TERT: variants seen among roughly 807,000 people sequenced by gnomAD.
TERT encodes telomerase catalytic subunit.
TERT carries 42 observed loss-of-function variants against 104.0 expected under a neutral mutation model. The ratio of observed to expected loss-of-function variants is 0.40; its 90% CI spans 0.32 to 0.52. The LOEUF is 0.52. Ranked by LOEUF, TERT falls within the 20% of genes least tolerant of loss-of-function variation. TERT has a pLI of 0.43. For synonymous variants in TERT, 781 were observed against 725.6 expected (o/e 1.08, Z -1.23); for missense variants, 1,101 against 1,610.3 (o/e 0.68, Z 5.41).
At position 1,256,017 on chromosome 5, in the gene TERT, TTTG is replaced by T. The variant is rs758242515; in HGVS notation, c.3033-609_3033-607del. 2.3e-4 allele frequency among the ~76,000 whole-genome samples: 35 copies of T among 152,136 alleles called. No homozygotes were observed. The highest frequency in any genetic ancestry group is 3.8e-4 in the Non-Finnish European group (26 of 67,996). ...CAAGAAACTGCATTTGTCAGTCTTCTTTGTTGTTGTTGAGATGGGCTCTCACTC... is the reference window on the plus strand; with the variant it reads ...CAAGAAACTGCATTTGTCAGTCTTCTTTGTTGTTGAGATGGGCTCTCACTC... On this transcript the variant is annotated intron_variant, in intron 13 of 15. Transcript: ENST00000310581. The surrounding 1 kb of genome is among the most constrained non-coding windows in gnomAD (Gnocchi z 7.0).
chr5:1,278,625 C>T lies in TERT; in HGVS notation c.2286+16G>A. The T allele has an allele frequency of 6.2e-7, 1 of 1,614,118 alleles. No individual in the cohort carries two copies. The highest frequency in any genetic ancestry group is 8.5e-7 in the Non-Finnish European group (1 of 1,180,048). ...AGACACACATCCTGGACACGACTATCACACGTGAACCTTACGTGGCTCTTG... is the reference window on the plus strand; with the variant it reads ...AGACACACATCCTGGACACGACTATTACACGTGAACCTTACGTGGCTCTTG... On this transcript the variant is annotated intron_variant, in intron 6 of 15. Transcript: ENST00000310581.
At chr5:1,291,237 A>G (rs1225305816) in intron 2 of TERT, among the ~76,000 whole-genome samples, 1 of 110,594 alleles carries the variant, frequency 9.0e-6, no homozygotes, top group African/African-American at 3.8e-5. Flanking sequence ...CGCCTCACTC[A>G]CCCTACACCT....
At chr5:1,282,783 G>A (rs1484006089) in intron 2 of TERT, 159 bp from the exon 3 acceptor site, 1 of 741,372 alleles carries the variant, frequency 1.3e-6, no homozygotes, top group South Asian at 1.5e-5. Context: ...GCCCACCAAG[G>A]GCCTGGCGAC....
chr5:1,260,337 T>A (rs1167267909), intron 12 of TERT, 137 bp downstream of exon 12: 1 of 1,381,388 alleles, frequency 7.2e-7, no homozygotes, highest in East Asian at 2.3e-5. Flanking sequence ...TGTGCTCACG[T>A]GTATATGCGT....
Position 1,288,049 on chromosome 5 carries a change from AAC to A in TERT, c.1573+5262_1573+5263del, listed in dbSNP as rs747711520. On this transcript the variant is annotated intron_variant, in intron 2 of 15. Coordinates refer to ENST00000310581, the MANE Select transcript of TERT (RefSeq NM_198253.3). The surrounding 1 kb of genome is among the most constrained non-coding windows in gnomAD (Gnocchi z 5.3). ...TGATACTCTACATATCTTGAACATA[AAC>A]AGTGTTCAAATAACTCACTGCTCAA... Among the ~76,000 whole-genome samples the A allele has an allele frequency of 6.6e-6, 1 of 152,194 alleles. No homozygotes were observed. Among genetic ancestry groups the A allele is most frequent in the African/African-American group, 2.4e-5 (1 of 41,438 alleles).
rs1561191561 is a variant in TERT at position 1,261,541 on chromosome 5, C to T, written c.2844-941G>A. Among the ~76,000 whole-genome samples, 1 of 152,232 alleles carries T rather than the reference C, an allele frequency of 6.6e-6. No homozygotes were observed. The highest frequency in any genetic ancestry group is 1.5e-5 in the Non-Finnish European group (1 of 68,046). On this transcript the variant is annotated intron_variant, in intron 11 of 15. Coordinates refer to ENST00000310581, the MANE Select transcript of TERT (RefSeq NM_198253.3). This position sits in a 1 kb window ranked among gnomAD's most constrained non-coding sequence, Gnocchi z 7.4. ...AAAAGTCTTTCCAGCTTGCCTCAACCTGATGCTGGCTCTTGGCAAGCCCAG... is the reference window on the plus strand; with the variant it reads ...AAAAGTCTTTCCAGCTTGCCTCAACTTGATGCTGGCTCTTGGCAAGCCCAG...
Position 1,271,165 on chromosome 5 carries a change from C to T in TERT, c.2422G>A (p.Val808Ile), listed in dbSNP as rs200119385. The change falls in exon 8 of 16, where the codon GTC becomes ATC. Residue 808 changes from valine to isoleucine, a missense_variant. Val to Ile is a conservative substitution (Grantham distance 29). Transcript: ENST00000310581. ...LNEASSGLFD[V>I]FLRFMCHHAV... is the part of the protein sequence containing the mutation. ...TGGTGGCACATGAAGCGTAGGAAGA[C>T]GTCGAAGAGGCCACTGCTGGCCTCA... 19 of 1,613,060 alleles carry T rather than the reference C, an allele frequency of 1.2e-5. No homozygotes were observed. Among genetic ancestry groups the T allele is most frequent in the Middle Eastern group, 1.6e-4 (1 of 6,084 alleles).
At position 1,257,179 on chromosome 5, in the gene TERT, G is replaced by C. The variant is rs1219717449; in HGVS notation, c.3032+1419C>G. Among the ~76,000 whole-genome samples, 7 of 152,298 alleles carry C rather than the reference G, an allele frequency of 4.6e-5. No individual in the cohort carries two copies. The East Asian group carries it at 1.4e-3, about 29-fold the overall frequency. ...ATGGGTGGGGAAACTCAGCCGCCCT[G>C]CCCTGAGCCCAGGCCCTCTACGGGA... On this transcript the variant is annotated intron_variant, in intron 13 of 15. Coordinates refer to ENST00000310581, the MANE Select transcript of TERT (RefSeq NM_198253.3). This position sits in a 1 kb window ranked among gnomAD's most constrained non-coding sequence, Gnocchi z 5.6.
At position 1,263,233 on chromosome 5, in the gene TERT, C is replaced by T. The variant is rs1208815274; in HGVS notation, c.2843+1171G>A. On this transcript the variant is annotated intron_variant, in intron 11 of 15. Coordinates refer to ENST00000310581, the MANE Select transcript of TERT (RefSeq NM_198253.3). This position sits in a 1 kb window ranked among gnomAD's most constrained non-coding sequence, Gnocchi z 5.3. The stretch of plus-strand genomic sequence containing the variant: ...GACTGTTAACTCAGAACGACAGGAC[C>T]CCAGTTTAAACCTCTGGTTTAACAA... Among the ~76,000 whole-genome samples the T allele has an allele frequency of 1.3e-5, 2 of 152,170 alleles. No homozygotes were observed. The highest frequency in any genetic ancestry group is 4.8e-5 in the African/African-American group (2 of 41,430).
chr5:1,279,204 G>A (rs992816034), intron 5 of TERT, 87 bp downstream of exon 5: 3 of 1,456,280 alleles, frequency 2.1e-6, no homozygotes, highest in Admixed American at 4.2e-5. Context: ...CCACCCAGGA[G>A]TACCTCCTCC....
At position 1,255,912 on chromosome 5, in the gene TERT, C is replaced by T. The variant is rs998356024; in HGVS notation, c.3033-501G>A. ...TGGGTCTGGGGTGATGGTGTGAGGACCCATCATCTCATCTCACTGACACCG... is the reference window on the plus strand; with the variant it reads ...TGGGTCTGGGGTGATGGTGTGAGGATCCATCATCTCATCTCACTGACACCG... On this transcript the variant is annotated intron_variant, in intron 13 of 15. Coordinates refer to ENST00000310581, the MANE Select transcript of TERT (RefSeq NM_198253.3). This position sits in a 1 kb window ranked among gnomAD's most constrained non-coding sequence, Gnocchi z 6.9. Among the ~76,000 whole-genome samples, 2 of 151,990 alleles carry T rather than the reference C, an allele frequency of 1.3e-5. No individual in the cohort carries two copies. The highest frequency in any genetic ancestry group is 4.8e-5 in the African/African-American group (2 of 41,372).
rs764318596 is a variant in TERT, at chr5:1,280,221, C to T, written c.1887G>A (p.Gly629=). Residue 629 remains glycine, a synonymous_variant, in exon 4 of 16, where the codon GGG becomes GGA. Transcript: ENST00000310581. The stretch of plus-strand genomic sequence containing the variant: ...AGTCCATGTTCACAATCGGCCGCAG[C>T]CCGTCAGGCTTGGGGATGAAGCGGA... The part of the protein sequence containing the change: ...SRLRFIPKPD[G]LRPIVNMDYV... The T allele has an allele frequency of 3.7e-6, 6 of 1,613,882 alleles. No homozygotes were observed. The African/African-American group carries it at 6.7e-5, about 18-fold the overall frequency.
chr5:1,273,089 T>A, intron 6 of TERT, among the ~76,000 whole-genome samples: 1 of 91,790 alleles, frequency 1.1e-5, no homozygotes, highest in Non-Finnish European at 2.2e-5. Flanking sequence ...TCACCACACA[T>A]CAGACCCCAC....
In TERT at chr5:1,265,316, G is replaced by A. The variant is rs1038138708; in HGVS notation, c.2655-724C>T. On this transcript the variant is annotated intron_variant, in intron 10 of 15. Coordinates refer to ENST00000310581, the MANE Select transcript of TERT (RefSeq NM_198253.3). This position sits in a 1 kb window ranked among gnomAD's most constrained non-coding sequence, Gnocchi z 6.9. ...TGGCCCTGGGACCTCGGCCAGCTGC[G>A]CAGCTCCCCTGGTGCATTCCCAGCT... 4.6e-5 allele frequency among the ~76,000 whole-genome samples: 7 copies of A among 152,104 alleles called. No individual in the cohort carries two copies. Among genetic ancestry groups the A allele is most frequent in the African/African-American group, 7.2e-5 (3 of 41,422 alleles).
Position 1,265,203 on chromosome 5 carries a change from C to CG in TERT, c.2655-612dup, listed in dbSNP as rs1312336257. 6.6e-6 allele frequency among the ~76,000 whole-genome samples: 1 copy of CG among 152,130 alleles called. No homozygotes were observed. The highest frequency in any genetic ancestry group is 2.4e-5 in the African/African-American group (1 of 41,432). On this transcript the variant is annotated intron_variant, in intron 10 of 15. Coordinates refer to ENST00000310581, the MANE Select transcript of TERT (RefSeq NM_198253.3). This position sits in a 1 kb window ranked among gnomAD's most constrained non-coding sequence, Gnocchi z 6.9. The stretch of plus-strand genomic sequence containing the variant: ...CCAGCTCAGGGAGCCCCCCTGTGCC[C>CG]GGTAGCCTCTGCTCTGGCCTGGGCA...
rs773271758 is a variant in TERT at position 1,260,613 on chromosome 5, G to A, written c.2844-13C>T. 1 of 1,613,476 alleles carries A rather than the reference G, an allele frequency of 6.2e-7. No individual in the cohort carries two copies. The stretch of plus-strand genomic sequence containing the variant: ...GGTCCGGGCATAGCTGAGACACAGG[G>A]GGGAATGTCAGACACAGGTGCCTGC... On this transcript the variant is annotated splice_polypyrimidine_tract_variant and intron_variant, in intron 11 of 15. Coordinates refer to ENST00000310581, the MANE Select transcript of TERT (RefSeq NM_198253.3).
At position 1,255,318 on chromosome 5, in the gene TERT, G is replaced by A. The variant is rs377570406; in HGVS notation, c.3126C>T (p.Leu1042=). ...TCTTGGCTTTCAGGATGGAGTAGCA[G>A]AGGGAGGCCGTGTCAGAGATGACGC... ...FLRVISDTAS[L]CYSILKAKNA... is the part of the protein sequence containing the mutation. Residue 1042 remains leucine, a synonymous_variant, in exon 14 of 16, where the codon CTC becomes CTT. Transcript: ENST00000310581. This position sits in a 1 kb window ranked among gnomAD's most constrained non-coding sequence, Gnocchi z 6.9. The A allele has an allele frequency of 6.3e-5, 102 of 1,614,072 alleles. No homozygotes were observed. The highest frequency in any genetic ancestry group is 8.1e-5 in the Non-Finnish European group (95 of 1,180,016).
intron 12 of TERT, among the ~76,000 whole-genome samples, chr5:1,259,692 C>G (rs532677817): frequency 3.0e-4 from 37 of 124,968 alleles, no homozygotes; most frequent in Non-Finnish European, 4.9e-4. Context: ...TGGACACGGA[C>G]GCCCACAGGA....
At position 1,260,525 on chromosome 5, in the gene TERT, T is replaced by G. The variant is rs1454007851; in HGVS notation, c.2919A>C (p.Lys973Asn). The change falls in exon 12 of 16, where the codon AAA becomes AAC. Residue 973 changes from lysine to asparagine, a missense_variant. Physicochemically the swap from Lys to Asn is moderately conservative, Grantham distance 94 (BLOSUM62 0). Coordinates refer to ENST00000310581, the MANE Select transcript of TERT (RefSeq NM_198253.3). Reference protein sequence around the residue: ...GFKAGRNMRRKLFGVLRLKCH... With the variant: ...GFKAGRNMRRNLFGVLRLKCH... ...ACTTCAGCCGCAAGACCCCAAAGAG[T>G]TTGCGACGCATGTTCCTCCCAGCCT... is the stretch of plus-strand genomic sequence containing the variant. 1 of 1,613,876 alleles carries G rather than the reference T, an allele frequency of 6.2e-7. No individual in the cohort carries two copies. The highest frequency in any genetic ancestry group is 1.7e-5 in the Admixed American group (1 of 60,024).
Sources: allele counts gnomAD v4.1 joint callset (sites outside exome capture counted in the v4.1 genomes callset), GRCh38; gene constraint gnomAD v4.1.1; non-coding constraint Gnocchi (gnomAD v3.1); transcripts MANE v1.5; gene names NCBI Gene and HGNC (gene_info 2026-07-23, HGNC 2026-07-21).